Variants in USP34 observed in about 807,000 individuals in gnomAD.
USP34 encodes the protein ubiquitin carboxyl-terminal hydrolase 34.
A neutral mutation model predicts 460.3 loss-of-function variants in USP34; 70 were observed. The ratio of observed to expected loss-of-function variants is 0.15; its 90% CI spans 0.13 to 0.19. The LOEUF is 0.19. USP34 is among the 10% of genes least tolerant of loss of function. The pLI is 1.00. For missense variants in USP34, 3,985 were observed against 4,236.2 expected, an observed-to-expected ratio of 0.94 and a Z score of 1.65; for synonymous variants, 1,647 against 1,405.3, an observed-to-expected ratio of 1.17 and a Z score of -3.85.
intron 1 of USP34, among the ~76,000 whole-genome samples, chr2:61,468,033 G>T (rs1695833988): frequency 6.6e-6 from 1 of 151,966 alleles, no homozygotes; most frequent in Admixed American, 6.6e-5. Context: ...GAGATCACAA[G>T]AAACACATAT....
At position 61,259,865 on chromosome 2, in the gene USP34, T is replaced by C. The variant is rs1241717021; in HGVS notation, c.5779-89A>G. Reference sequence around the variant, plus strand: ...GCAAAGAAAGTCTTGCAATGTACACTGTATCTGTTTTCATTCTTTTGGCTA... The same window carrying C: ...GCAAAGAAAGTCTTGCAATGTACACCGTATCTGTTTTCATTCTTTTGGCTA... On this transcript the variant is annotated intron_variant, in intron 43 of 79. Coordinates refer to ENST00000398571, the MANE Select transcript of USP34 (RefSeq NM_014709.4). 4 of 1,144,928 alleles carry C rather than the reference T, an allele frequency of 3.5e-6. No homozygotes were observed. The African/African-American group carries it at 6.2e-5, about 18-fold the overall frequency. 70.9% of individuals were successfully genotyped at this position (1,144,928 alleles called of 1,614,324 possible).
At position 61,455,840 on chromosome 2, in the gene USP34, A is replaced by G. The variant is rs528656974; in HGVS notation, c.43+14810T>C. 3.9e-5 allele frequency among the ~76,000 whole-genome samples: 6 copies of G among 152,324 alleles called. No individual in the cohort carries two copies. The South Asian group carries it at 1.0e-3, about 26-fold the overall frequency. Reference sequence around the variant, plus strand: ...TCACTCCTCACAAAATCCCTATGAGACATGTATTAAGAATATCCTCATCTC... The same window carrying G: ...TCACTCCTCACAAAATCCCTATGAGGCATGTATTAAGAATATCCTCATCTC... On this transcript the variant is annotated intron_variant, in intron 1 of 79. Transcript: ENST00000398571.
intron 1 of USP34, among the ~76,000 whole-genome samples, chr2:61,423,348 G>A (rs1694417273): frequency 6.6e-6 from 1 of 152,056 alleles, no homozygotes; most frequent in Admixed American, 6.6e-5. Context: ...CTGATCATAA[G>A]TGATATGCCC....
chr2:61,459,947 A>T (rs753768174), intron 1 of USP34, among the ~76,000 whole-genome samples: 2 of 152,142 alleles, frequency 1.3e-5, no homozygotes, highest in Non-Finnish European at 2.9e-5. Context: ...CTGTAGTCCC[A>T]GCCACTCGGG....
intron 2 of USP34, among the ~76,000 whole-genome samples, chr2:61,419,650 C>T (rs1409884934): frequency 1.3e-5 from 2 of 152,102 alleles, no homozygotes; most frequent in African/African-American, 4.8e-5. Context: ...ACTTATAGAT[C>T]CTGAAATCAG....
chr2:61,375,151 T>C (rs939941205), intron 8 of USP34, among the ~76,000 whole-genome samples: 22 of 152,104 alleles, frequency 1.4e-4, no homozygotes, highest in African/African-American at 5.1e-4. Flanking sequence ...AAAAAGCTGC[T>C]CTACATCATT....
chr2:61,231,029 T>C (rs1389283470), intron 58 of USP34, among the ~76,000 whole-genome samples: 1 of 152,122 alleles, frequency 6.6e-6, no homozygotes, highest in Non-Finnish European at 1.5e-5. Context: ...ACACAAAATG[T>C]GGACTATATA....
At chr2:61,410,149 G>C (rs1693996776) in intron 2 of USP34, among the ~76,000 whole-genome samples, 1 of 152,136 alleles carries the variant, frequency 6.6e-6, no homozygotes, top group Non-Finnish European at 1.5e-5. Context: ...GCACGTTATA[G>C]TATCACACTG....
intron 41 of USP34, among the ~76,000 whole-genome samples, chr2:61,269,212 C>G (rs1160135459): frequency 6.6e-6 from 1 of 152,002 alleles, no homozygotes; most frequent in Non-Finnish European, 1.5e-5. Flanking sequence ...CCCAGGCTAG[C>G]GACAGTGGTG....
intron 65 of USP34, 24 bp downstream of exon 65, chr2:61,222,595 A>G (rs753809633): frequency 6.2e-6 from 10 of 1,602,606 alleles, no homozygotes; most frequent in African/African-American, 1.3e-5. Flanking sequence ...TTTTAAAAAC[A>G]TAAATTAACA....
Position 61,370,602 on chromosome 2 carries a change from G to A in USP34, c.1077-23C>T, listed in dbSNP as rs567534229. The A allele has an allele frequency of 6.3e-6, 10 of 1,595,208 alleles. 2 individuals carry two copies. In the South Asian group the frequency reaches 1.0e-4, roughly 16 times the overall value. On this transcript the variant is annotated intron_variant, in intron 8 of 79. Coordinates refer to ENST00000398571, the MANE Select transcript of USP34 (RefSeq NM_014709.4). ...GACCTAAAGTCAAGCAATGAAAATA[G>A]TACATTAAAAAAAATTGTCATCTTT... is the stretch of plus-strand genomic sequence containing the variant.
rs541002129 is a variant in USP34 at position 61,375,759 on chromosome 2, ACT to A, written c.1076+2602_1076+2603del. 1.3e-4 allele frequency among the ~76,000 whole-genome samples: 17 copies of A among 128,152 alleles called. No homozygotes were observed. In the South Asian group the frequency reaches 3.7e-3, roughly 28 times the overall value. 84.1% of individuals were successfully genotyped at this position (128,152 alleles called of 152,430 possible). ...ACTCCAGCCTGGGTGACAGACCAAG[ACT>A]CTGTCTCAAAAAAAAAAAAAAAAAA... On this transcript the variant is annotated intron_variant, in intron 8 of 79. Coordinates refer to ENST00000398571, the MANE Select transcript of USP34 (RefSeq NM_014709.4).
intron 37 of USP34, 110 bp from the exon 38 acceptor site, chr2:61,281,352 C>A (rs1689530803): frequency 7.4e-7 from 1 of 1,355,526 alleles, no homozygotes; most frequent in Non-Finnish European, 9.9e-7. Context: ...CCGGGCAAGC[C>A]TGTAATCCCA....
intron 62 of USP34, among the ~76,000 whole-genome samples, chr2:61,226,388 G>A (rs960280947): frequency 3.3e-5 from 5 of 152,224 alleles, no homozygotes; most frequent in African/African-American, 1.2e-4. Flanking sequence ...TTTAGCAAAT[G>A]GGTGAATTTG....
intron 5 of USP34, among the ~76,000 whole-genome samples, chr2:61,387,300 TA>T (rs1317193448): frequency 6.6e-6 from 1 of 151,774 alleles, no homozygotes; most frequent in Non-Finnish European, 1.5e-5. Flanking sequence ...CCATCTCTAC[TA>T]AAAGTACAAA....
At position 61,211,943 on chromosome 2, in the gene USP34, A is replaced by G. The variant is rs772088275; in HGVS notation, c.8683-14T>C. On this transcript the variant is annotated splice_polypyrimidine_tract_variant and intron_variant, in intron 68 of 79. Coordinates refer to ENST00000398571, the MANE Select transcript of USP34 (RefSeq NM_014709.4). ...TTCTTCTACTGCCTAAAAAAGCCAA[A>G]TAAGCCATATGATCTTTTAACCCTA... 2.5e-6 allele frequency: 4 copies of G among 1,595,992 alleles called. No homozygotes were observed. In the African/African-American group the frequency reaches 4.1e-5, roughly 16 times the overall value.
intron 1 of USP34, among the ~76,000 whole-genome samples, chr2:61,451,891 G>A (rs1293818386): frequency 2.0e-5 from 3 of 151,804 alleles, no homozygotes; most frequent in Admixed American, 6.6e-5. Context: ...AGACTTAATT[G>A]AAAGCCGGGC....
intron 57 of USP34, among the ~76,000 whole-genome samples, chr2:61,233,870 T>C (rs1173027676): frequency 5.3e-5 from 8 of 151,762 alleles, no homozygotes; most frequent in Admixed American, 2.6e-4. Context: ...GTTATAAAGA[T>C]GAGAAGTCAC....
At chr2:61,442,841 C>A (rs1573046544) in intron 1 of USP34, among the ~76,000 whole-genome samples, 1 of 151,406 alleles carries the variant, frequency 6.6e-6, no homozygotes, top group Non-Finnish European at 1.5e-5. Flanking sequence ...AGCCAAGATA[C>A]AAAATCAACC....
Sources: gnomAD v4.1 joint callset for allele counts (sites outside exome capture counted in the v4.1 genomes callset) on GRCh38, gnomAD v4.1.1 for gene constraint, MANE v1.5 for transcripts, NCBI Gene and HGNC (gene_info 2026-07-23, HGNC 2026-07-21) for gene names.